MITF: variants seen among roughly 807,000 people sequenced by gnomAD.
MITF encodes the protein microphthalmia-associated transcription factor.
In MITF, 17 loss-of-function variants were observed where a neutral mutation model predicts 60.5. That is an observed-to-expected ratio of 0.28 (90% CI 0.19 to 0.42). The LOEUF (loss-of-function observed/expected upper bound fraction) is 0.42. MITF is among the 10% of genes least tolerant of loss of function. MITF has a pLI of 1.00. For missense variants in MITF, 622 were observed against 683.5 expected (o/e 0.91, Z 1.00); for synonymous variants, 260 against 248.5 (o/e 1.05, Z -0.43).
At position 69,937,593 on chromosome 3, in the gene MITF, A is replaced by T. The variant is rs116916176; in HGVS notation, c.355-229A>T. Among the ~76,000 whole-genome samples the T allele has an allele frequency of 1.7e-4, 26 of 152,334 alleles. 1 individual carries two copies. In the East Asian group the frequency reaches 5.0e-3, roughly 29 times the overall value. ...CAAGGTTTGAAAGAGACGTATAGTT[A>T]ATTAGCAGGGAAATAAAATAGGGCA... is the stretch of plus-strand genomic sequence containing the variant. On this transcript the variant is annotated intron_variant, in intron 2 of 9. Coordinates refer to ENST00000352241, the MANE Select transcript of MITF (RefSeq NM_001354604.2).
At position 69,964,747 on chromosome 3, in the gene MITF, C is replaced by T. The variant is rs571597493; in HGVS notation, c.1180-100C>T. On this transcript the variant is annotated intron_variant, in intron 9 of 9. Coordinates refer to ENST00000352241, the MANE Select transcript of MITF (RefSeq NM_001354604.2). ...GTGGGTTTGGCCAAATGTCTAATGA[C>T]GCGCATCTACCATTATAGTATCATA... 1.0e-4 allele frequency: 106 copies of T among 1,021,348 alleles called. 8 individuals are homozygous for T. Among genetic ancestry groups the T allele is most frequent in the East Asian group, 4.1e-4 (17 of 41,390 alleles). 63.3% of individuals were successfully genotyped at this position (1,021,348 alleles called of 1,614,324 possible).
At chr3:69,952,686 T>G (rs1161157994) in intron 7 of MITF, among the ~76,000 whole-genome samples, 1 of 152,192 alleles carries the variant, frequency 6.6e-6, no homozygotes, top group Non-Finnish European at 1.5e-5. Context: ...CAATTTGGCA[T>G]TGCTCTTCCT....
At chr3:69,892,062 T>C (rs1428732882) in intron 2 of MITF, among the ~76,000 whole-genome samples, 1 of 152,202 alleles carries the variant, frequency 6.6e-6, no homozygotes, top group Non-Finnish European at 1.5e-5. Context: ...AAATTAAATA[T>C]GTATGTCACA....
At chr3:69,902,577 A>G (rs1048035591) in intron 2 of MITF, among the ~76,000 whole-genome samples, 11 of 152,222 alleles carry the variant, frequency 7.2e-5, no homozygotes, top group Admixed American at 3.3e-4. Flanking sequence ...TAGATAGCTC[A>G]TAGGTTATTC....
chr3:69,860,910 G>A (rs184851205), intron 1 of MITF, among the ~76,000 whole-genome samples: 201 of 152,258 alleles, frequency 1.3e-3, no homozygotes, highest in Non-Finnish European at 2.2e-3. Flanking sequence ...AGGCAGATCT[G>A]TTCTTGGTAG....
At chr3:69,954,915 A>T (rs1260284119) in intron 7 of MITF, among the ~76,000 whole-genome samples, 4 of 152,200 alleles carry the variant, frequency 2.6e-5, no homozygotes, top group Non-Finnish European at 5.9e-5. Flanking sequence ...AAAGAAGCAT[A>T]TATTCTGGTA....
intron 1 of MITF, among the ~76,000 whole-genome samples, chr3:69,867,670 T>A (rs2064142410): frequency 6.6e-6 from 1 of 151,566 alleles, no homozygotes; most frequent in African/African-American, 2.4e-5. Context: ...CTCTTTGTGA[T>A]TCATTCTCTA....
chr3:69,739,673 G>T lies in MITF; in HGVS notation c.76G>T (p.Glu26Ter), dbSNP rs1264298203. The change falls in exon 1 of 10, where the codon GAA becomes TAA. Residue 26 changes from glutamate (E) to a stop codon, truncating the protein, a stop_gained. Transcript: ENST00000352241. LOFTEE classifies it high-confidence loss of function. ...TCATGAAGAGCCCAAAACCTATTAC[G>T]AACTCAAAAGTCAACCGCTGAAGAG... ...EFHEEPKTYY[E>*]LKSQPLKSSS... The T allele has an allele frequency of 1.9e-6, 3 of 1,578,678 alleles. No individual in the cohort carries two copies. The highest frequency in any genetic ancestry group is 2.6e-6 in the Non-Finnish European group (3 of 1,160,560).
intron 5 of MITF, among the ~76,000 whole-genome samples, chr3:69,942,944 G>T (rs571042428): frequency 7.9e-5 from 12 of 152,156 alleles, no homozygotes; most frequent in African/African-American, 2.9e-4. Context: ...GGTGTCAAAT[G>T]GGTCCCTGGG....
At chr3:69,951,223 G>A (rs1239530768) in intron 6 of MITF, among the ~76,000 whole-genome samples, 3 of 148,724 alleles carry the variant, frequency 2.0e-5, no homozygotes, top group African/African-American at 5.0e-5. Flanking sequence ...TCAGCCTCCC[G>A]TAGCTGGGAC....
intron 2 of MITF, among the ~76,000 whole-genome samples, chr3:69,931,684 C>T (rs1193260894): frequency 4.6e-5 from 7 of 152,144 alleles, no homozygotes; most frequent in Non-Finnish European, 8.8e-5. Context: ...AGTATACAGA[C>T]CCATAAATAT....
At chr3:69,937,704 G>C in intron 2 of MITF, 118 bp from the exon 3 acceptor site, 1 of 848,016 alleles carries the variant, frequency 1.2e-6, no homozygotes. Flanking sequence ...CATAACAAAG[G>C]CTTAATAATT....
chr3:69,850,242 A>G (rs2063802250), intron 1 of MITF, among the ~76,000 whole-genome samples: 1 of 152,196 alleles, frequency 6.6e-6, no homozygotes. Context: ...GTTACTAGTT[A>G]GACAATGAGG....
intron 9 of MITF, among the ~76,000 whole-genome samples, chr3:69,962,498 C>T (rs915484592): frequency 1.3e-5 from 2 of 152,156 alleles, no homozygotes; most frequent in African/African-American, 2.4e-5. Context: ...TAGACTGAAA[C>T]GTGGCTTTGC....
At chr3:69,889,896 G>A (rs142848266) in intron 2 of MITF, among the ~76,000 whole-genome samples, 100 of 152,194 alleles carry the variant, frequency 6.6e-4, no homozygotes, top group African/African-American at 1.8e-3. Flanking sequence ...GCAGCCACAC[G>A]TGGTCTTTGC....
rs927816957 is a variant in MITF, at chr3:69,782,691, A to G, written c.104+42990A>G. On this transcript the variant is annotated intron_variant, in intron 1 of 9. Coordinates refer to ENST00000352241, the MANE Select transcript of MITF (RefSeq NM_001354604.2). ...GTAGGCCATTTCTTGCTTCTGGAGCATTCCCTGATTAAATATTCTCTACCT... is the reference window on the plus strand; with the variant it reads ...GTAGGCCATTTCTTGCTTCTGGAGCGTTCCCTGATTAAATATTCTCTACCT... Among the ~76,000 whole-genome samples, 7 of 152,204 alleles carry G rather than the reference A, an allele frequency of 4.6e-5. No individual in the cohort carries two copies. The South Asian group carries it at 6.2e-4, about 13-fold the overall frequency.
At chr3:69,948,146 G>A (rs531267693) in intron 5 of MITF, among the ~76,000 whole-genome samples, 111 of 152,218 alleles carry the variant, frequency 7.3e-4, no homozygotes, top group African/African-American at 1.0e-3. Flanking sequence ...GTAATGGTAC[G>A]TGTCTGCAGT....
intron 1 of MITF, among the ~76,000 whole-genome samples, chr3:69,808,721 A>G (rs1432591030): frequency 6.6e-6 from 1 of 152,106 alleles, no homozygotes; most frequent in Non-Finnish European, 1.5e-5. Context: ...GGTAGGGTTC[A>G]CACCATGCAG....
At chr3:69,751,852 G>T (rs1703952323) in intron 1 of MITF, among the ~76,000 whole-genome samples, 1 of 152,110 alleles carries the variant, frequency 6.6e-6, no homozygotes, top group African/African-American at 2.4e-5. Context: ...GGAGGTGATT[G>T]GGTCATGGAG....
Sources: gnomAD v4.1 joint callset for allele counts (sites outside exome capture counted in the v4.1 genomes callset) on GRCh38, gnomAD v4.1.1 for gene constraint, MANE v1.5 for transcripts, NCBI Gene and HGNC (gene_info 2026-07-23, HGNC 2026-07-21) for gene names.